Variants in FSTL5 observed in about 807,000 individuals in gnomAD.
FSTL5 encodes the protein follistatin like 5.
A neutral mutation model predicts 89.1 loss-of-function variants in FSTL5; 62 were observed. The ratio of observed to expected loss-of-function variants is 0.70; its 90% CI spans 0.57 to 0.86. The LOEUF is 0.86. Among genes scored for constraint, FSTL5 ranks in the 40% least tolerant of loss-of-function variants. The pLI, the probability that FSTL5 is intolerant of heterozygous loss-of-function variation, is 0.00. For synonymous variants in FSTL5, 383 were observed against 346.2 expected, an observed-to-expected ratio of 1.11 and a Z score of -1.18; for missense variants, 1,057 against 1,001.6, an observed-to-expected ratio of 1.06 and a Z score of -0.75.
At chr4:161,848,391 T>A (rs1450292830) in intron 4 of FSTL5, among the ~76,000 whole-genome samples, 1 of 152,176 alleles carries the variant, frequency 6.6e-6, no homozygotes, top group Non-Finnish European at 1.5e-5. Flanking sequence ...TTAACACTTT[T>A]CTAAACTAAT....
chr4:161,600,009 A>T (rs1734167545), intron 7 of FSTL5, among the ~76,000 whole-genome samples: 1 of 152,116 alleles, frequency 6.6e-6, no homozygotes, highest in African/African-American at 2.4e-5. Context: ...AATTTCAGAA[A>T]GTTTAAGTAA....
At chr4:162,149,478 T>TA (rs1733140936) in intron 1 of FSTL5, among the ~76,000 whole-genome samples, 4 of 150,584 alleles carry the variant, frequency 2.7e-5, no homozygotes, top group Admixed American at 1.3e-4. Context: ...AATGTAAAAT[T>TA]TAAAAAAAAA....
At chr4:161,397,684 T>A (rs1258067945) in intron 15 of FSTL5, among the ~76,000 whole-genome samples, 1 of 151,484 alleles carries the variant, frequency 6.6e-6, no homozygotes, top group Non-Finnish European at 1.5e-5. Context: ...ATAAAAGTCA[T>A]ATAAGTTAAA....
At chr4:161,550,431 C>T (rs1300478734) in intron 8 of FSTL5, among the ~76,000 whole-genome samples, 7 of 151,798 alleles carry the variant, frequency 4.6e-5, no homozygotes, top group Non-Finnish European at 1.0e-4. Context: ...TGACATAAAG[C>T]ACACGTTTAG....
intron 6 of FSTL5, among the ~76,000 whole-genome samples, chr4:161,727,028 A>G (rs1457920633): frequency 6.6e-6 from 1 of 152,140 alleles, no homozygotes; most frequent in Non-Finnish European, 1.5e-5. Flanking sequence ...TTAGTTTAAA[A>G]CTTTCAGAAA....
chr4:161,624,440 A>G (rs1434668304), intron 7 of FSTL5, among the ~76,000 whole-genome samples: 1 of 151,984 alleles, frequency 6.6e-6, no homozygotes, highest in Non-Finnish European at 1.5e-5. Flanking sequence ...TTGAGAACAC[A>G]CAAAATTATC....
At chr4:162,018,863 C>A (rs1490338774) in intron 3 of FSTL5, among the ~76,000 whole-genome samples, 1 of 152,132 alleles carries the variant, frequency 6.6e-6, no homozygotes, top group African/African-American at 2.4e-5. Flanking sequence ...CTATCTCCAT[C>A]AATTACATGC....
chr4:161,773,355 A>G (rs1471156642), intron 5 of FSTL5, among the ~76,000 whole-genome samples: 4 of 152,204 alleles, frequency 2.6e-5, no homozygotes, highest in Non-Finnish European at 5.9e-5. Flanking sequence ...AGACTTAATT[A>G]AACTAAAAAG....
chr4:161,972,515 G>A (rs777999963), intron 3 of FSTL5, among the ~76,000 whole-genome samples: 22 of 152,324 alleles, frequency 1.4e-4, no homozygotes, highest in Admixed American at 2.6e-4. Context: ...AGTGACCCAT[G>A]TGGTAAGGAA....
intron 3 of FSTL5, among the ~76,000 whole-genome samples, chr4:161,983,785 A>C (rs1463259274): frequency 3.9e-5 from 6 of 152,234 alleles, no homozygotes; most frequent in Non-Finnish European, 8.8e-5. Flanking sequence ...CTTAAAACCA[A>C]AGAGTGCAAA....
chr4:161,911,043 T>G (rs1048240347), intron 4 of FSTL5, among the ~76,000 whole-genome samples: 1 of 152,124 alleles, frequency 6.6e-6, no homozygotes, highest in African/African-American at 2.4e-5. Flanking sequence ...CAAATCACAG[T>G]AATTGGAAAA....
chr4:161,735,474 T>G (rs751765882), intron 6 of FSTL5, among the ~76,000 whole-genome samples: 5 of 152,084 alleles, frequency 3.3e-5, no homozygotes, highest in African/African-American at 4.8e-5. Context: ...GTCTATCAAA[T>G]TAAACCTAGG....
chr4:162,089,792 A>G (rs2111354121), intron 2 of FSTL5, among the ~76,000 whole-genome samples: 1 of 152,276 alleles, frequency 6.6e-6, no homozygotes, highest in South Asian at 2.1e-4. Context: ...TTCCCAAAGT[A>G]TTATTAACCA....
At chr4:161,757,053 C>G (rs1740594818) in intron 6 of FSTL5, among the ~76,000 whole-genome samples, 1 of 152,234 alleles carries the variant, frequency 6.6e-6, no homozygotes, top group African/African-American at 2.4e-5. Context: ...ATAATTTCTA[C>G]ATTTTCATAA....
At chr4:162,155,012 C>T (rs1359572836) in intron 1 of FSTL5, among the ~76,000 whole-genome samples, 1 of 152,116 alleles carries the variant, frequency 6.6e-6, no homozygotes, top group East Asian at 1.9e-4. Context: ...AAAACTTCAA[C>T]CAGGTACAGT....
chr4:162,040,199 A>G (rs1737895213), intron 2 of FSTL5, among the ~76,000 whole-genome samples: 1 of 152,094 alleles, frequency 6.6e-6, no homozygotes, highest in African/African-American at 2.4e-5. Flanking sequence ...TTGCAGCAGA[A>G]TACTCACATT....
intron 11 of FSTL5, among the ~76,000 whole-genome samples, chr4:161,508,626 T>C (rs1730558604): frequency 6.6e-6 from 1 of 152,178 alleles, no homozygotes; most frequent in South Asian, 2.1e-4. Flanking sequence ...TTAATTAATC[T>C]GAAAGCTTCT....
intron 7 of FSTL5, among the ~76,000 whole-genome samples, chr4:161,611,539 A>T (rs1734652509): frequency 6.6e-6 from 1 of 152,072 alleles, no homozygotes; most frequent in Non-Finnish European, 1.5e-5. Flanking sequence ...CCAAATATTT[A>T]TATAATATAA....
chr4:161,819,729 C>A (rs1730434722), intron 4 of FSTL5, among the ~76,000 whole-genome samples: 1 of 152,054 alleles, frequency 6.6e-6, no homozygotes, highest in Middle Eastern at 3.4e-3. Context: ...AAATAATCTC[C>A]TTTGCAAGCT....
Sources: gnomAD v4.1 joint callset for allele counts (sites outside exome capture counted in the v4.1 genomes callset) on GRCh38, gnomAD v4.1.1 for gene constraint, MANE v1.5 for transcripts, NCBI Gene and HGNC (gene_info 2026-07-23, HGNC 2026-07-21) for gene names.